The following FBXL7 variants were observed in gnomAD, a reference collection of about 807,000 sequenced individuals.
The protein encoded by FBXL7 is F-box and leucine rich repeat protein 7.
FBXL7 carries 12 observed loss-of-function variants against 38.3 expected under a neutral mutation model. That is an observed-to-expected ratio of 0.31 (90% CI 0.20 to 0.51). FBXL7 has a LOEUF of 0.51. Among genes scored for constraint, FBXL7 ranks in the 20% least tolerant of loss-of-function variants. The probability of loss-of-function intolerance (pLI) is 0.98; values close to 1 mark genes in which losing one functional copy is unlikely to be tolerated. For missense variants in FBXL7, 567 were observed against 676.4 expected, an observed-to-expected ratio of 0.84 and a Z score of 1.79; for synonymous variants, 297 against 300.9, an observed-to-expected ratio of 0.99 and a Z score of 0.13.
At position 15,832,560 on chromosome 5, in the gene FBXL7, G is replaced by A. The variant is rs537206470; in HGVS notation, c.128-95330G>A. ...ACAAGGCATTTGAGTTAACCATCTCGAAAACAGCTAGTTTAAGGAGGTTTT... is the reference window on the plus strand; with the variant it reads ...ACAAGGCATTTGAGTTAACCATCTCAAAAACAGCTAGTTTAAGGAGGTTTT... On this transcript the variant is annotated intron_variant, in intron 2 of 3. Coordinates refer to ENST00000504595, the MANE Select transcript of FBXL7 (RefSeq NM_012304.5). Among the ~76,000 whole-genome samples, 10 of 152,264 alleles carry A rather than the reference G, an allele frequency of 6.6e-5. 1 individual carries two copies. In the Middle Eastern group the frequency reaches 0.014, roughly 207 times the overall value.
At chr5:15,576,018 GT>G (rs1391892718) in intron 1 of FBXL7, among the ~76,000 whole-genome samples, 1 of 147,354 alleles carries the variant, frequency 6.8e-6, no homozygotes, top group South Asian at 2.2e-4. Flanking sequence ...TGGTAAGTGA[GT>G]TTAGTGATTC....
At chr5:15,917,503 G>A (rs569640652) in intron 2 of FBXL7, among the ~76,000 whole-genome samples, 30 of 152,248 alleles carry the variant, frequency 2.0e-4, no homozygotes, top group African/African-American at 7.0e-4. Flanking sequence ...ATCTACTCGG[G>A]AGGCTGAAGC....
At chr5:15,702,116 T>C (rs1743542115) in intron 2 of FBXL7, among the ~76,000 whole-genome samples, 1 of 151,702 alleles carries the variant, frequency 6.6e-6, no homozygotes. Context: ...CCGGTTCCTG[T>C]AATCCCAGCT....
chr5:15,814,079 A>G (rs189174104), intron 2 of FBXL7, among the ~76,000 whole-genome samples: 182 of 152,350 alleles, frequency 1.2e-3, no homozygotes, highest in Non-Finnish European at 2.0e-3. Flanking sequence ...TTTACTAGGT[A>G]TATACCCAAA....
At chr5:15,649,631 G>A (rs759645216) in intron 2 of FBXL7, among the ~76,000 whole-genome samples, 8 of 151,914 alleles carry the variant, frequency 5.3e-5, no homozygotes, top group Non-Finnish European at 1.2e-4. Flanking sequence ...CATAGCTGAT[G>A]AAAGCAGCAA....
intron 2 of FBXL7, among the ~76,000 whole-genome samples, chr5:15,649,838 G>A (rs1243512178): frequency 6.6e-6 from 1 of 152,078 alleles, no homozygotes; most frequent in East Asian, 1.9e-4. Context: ...GACTTTGGTA[G>A]AAGTAGCTTG....
intron 2 of FBXL7, among the ~76,000 whole-genome samples, chr5:15,678,017 A>T (rs751602841): frequency 6.6e-6 from 1 of 152,060 alleles, no homozygotes; most frequent in African/African-American, 2.4e-5. Flanking sequence ...AGAATGGAAC[A>T]CTCTGACTTT....
chr5:15,652,754 A>G (rs1403189251), intron 2 of FBXL7, among the ~76,000 whole-genome samples: 1 of 152,230 alleles, frequency 6.6e-6, no homozygotes, highest in Admixed American at 6.5e-5. Flanking sequence ...AGAGAGAACT[A>G]AGATGGCTGC....
At chr5:15,851,716 TGGGAGGGCTA>T in intron 2 of FBXL7, among the ~76,000 whole-genome samples, 1 of 152,116 alleles carries the variant, frequency 6.6e-6, no homozygotes, top group Admixed American at 6.6e-5. Context: ...TAATATAGTT[TGGGAGGGCTA>T]GGGAGGGCTG....
chr5:15,538,255 A>G (rs1384659383), intron 1 of FBXL7, among the ~76,000 whole-genome samples: 1 of 152,172 alleles, frequency 6.6e-6, no homozygotes, highest in African/African-American at 2.4e-5. Context: ...AAACAGTTTG[A>G]AGTGTATAAC....
At chr5:15,716,790 C>T (rs1171203480) in intron 2 of FBXL7, among the ~76,000 whole-genome samples, 2 of 152,034 alleles carry the variant, frequency 1.3e-5, no homozygotes, top group East Asian at 3.9e-4. Context: ...TCATTATTTG[C>T]GTCCTTTTTG....
At chr5:15,927,626 T>A (rs1741910460) in intron 2 of FBXL7, among the ~76,000 whole-genome samples, 1 of 151,734 alleles carries the variant, frequency 6.6e-6, no homozygotes, top group African/African-American at 2.4e-5. Flanking sequence ...ACAAAAAAAC[T>A]TAGCCGGCCG....
chr5:15,708,693 C>T (rs1299497067), intron 2 of FBXL7, among the ~76,000 whole-genome samples: 2 of 152,132 alleles, frequency 1.3e-5, no homozygotes, highest in Non-Finnish European at 2.9e-5. Flanking sequence ...TTTAAGGGAA[C>T]TTGAGCCAAT....
At chr5:15,777,546 T>G (rs1203002258) in intron 2 of FBXL7, among the ~76,000 whole-genome samples, 1 of 151,830 alleles carries the variant, frequency 6.6e-6, no homozygotes. Context: ...CTTCCTGTTA[T>G]GAGATTGTCA....
intron 1 of FBXL7, among the ~76,000 whole-genome samples, chr5:15,514,317 T>C (rs923957557): frequency 2.0e-5 from 3 of 152,034 alleles, no homozygotes; most frequent in Non-Finnish European, 2.9e-5. Context: ...TAAATTTTGC[T>C]GTCGCTGAAG....
At chr5:15,632,859 A>G (rs1319602297) in intron 2 of FBXL7, among the ~76,000 whole-genome samples, 1 of 152,156 alleles carries the variant, frequency 6.6e-6, no homozygotes, top group Non-Finnish European at 1.5e-5. Context: ...AATGGGGAAT[A>G]TTAGATGGGG....
intron 2 of FBXL7, among the ~76,000 whole-genome samples, chr5:15,917,687 AAGGAAGG>A (rs1741628128): frequency 3.3e-5 from 5 of 149,698 alleles, no homozygotes; most frequent in African/African-American, 7.4e-5. Context: ...GGAAGGAAGG[AAGGAAGG>A]AAGAAAGAAA....
At chr5:15,707,983 C>G (rs1354061639) in intron 2 of FBXL7, among the ~76,000 whole-genome samples, 1 of 152,184 alleles carries the variant, frequency 6.6e-6, no homozygotes, top group Non-Finnish European at 1.5e-5. Context: ...ATAAAAACAG[C>G]TTCTCTCTTT....
chr5:15,924,454 G>A (rs1005690437), intron 2 of FBXL7, among the ~76,000 whole-genome samples: 20 of 149,160 alleles, frequency 1.3e-4, no homozygotes, highest in African/African-American at 4.2e-4. Flanking sequence ...CATCTGTTGC[G>A]ACAGTAATAC....
Sources: allele counts gnomAD v4.1 joint callset (sites outside exome capture counted in the v4.1 genomes callset), GRCh38; gene constraint gnomAD v4.1.1; transcripts MANE v1.5; gene names NCBI Gene and HGNC (gene_info 2026-07-23, HGNC 2026-07-21).